LARGE1: variants seen among roughly 807,000 people sequenced by gnomAD.
The protein encoded by LARGE1 is xylosyl- and glucuronyltransferase LARGE1.
In LARGE1, 43 loss-of-function variants were observed where a neutral mutation model predicts 87.6. The observed-to-expected ratio is 0.49, with a 90% CI of 0.38 to 0.63. The LOEUF is 0.63. Among genes scored for constraint, LARGE1 ranks in the 30% least tolerant of loss-of-function variants. The probability of loss-of-function intolerance (pLI) is 0.00; values close to 1 mark genes in which losing one functional copy is unlikely to be tolerated. For missense variants in LARGE1, 802 were observed against 1,000.2 expected, an observed-to-expected ratio of 0.80 and a Z score of 2.67; for synonymous variants, 434 against 394.6, an observed-to-expected ratio of 1.10 and a Z score of -1.18.
chr22:33,095,003 G>A, the LARGE1 span, among the ~76,000 whole-genome samples: 1 of 152,328 alleles, frequency 6.6e-6, no homozygotes, highest in African/African-American at 2.4e-5. Context: ...ACAGGCATGA[G>A]CCACCGCGCC....
rs571567776 is a variant in LARGE1, at chr22:33,881,721, A to G, written c.-83+38274T>C. On this transcript the variant is annotated intron_variant, in intron 1 of 14. Transcript: ENST00000397394. Reference sequence around the variant, plus strand: ...TTTGAAAAAGACCCACCTACAGAGTATATTTCACTCATGTTAAGCCTTGCG... The same window carrying G: ...TTTGAAAAAGACCCACCTACAGAGTGTATTTCACTCATGTTAAGCCTTGCG... 3.6e-4 allele frequency among the ~76,000 whole-genome samples: 55 copies of G among 152,374 alleles called. No individual in the cohort carries two copies. In the South Asian group the frequency reaches 4.1e-3, roughly 11 times the overall value.
intron 3 of LARGE1, among the ~76,000 whole-genome samples, chr22:33,627,186 G>C (rs1247088764): frequency 6.6e-6 from 1 of 152,202 alleles, no homozygotes; most frequent in Non-Finnish European, 1.5e-5. Context: ...TAAGCTACTG[G>C]GCGGGGCTGG....
intron 11 of LARGE1, among the ~76,000 whole-genome samples, chr22:33,264,470 C>T (rs553257226): frequency 2.2e-4 from 33 of 152,130 alleles, no homozygotes; most frequent in Non-Finnish European, 3.7e-4. Flanking sequence ...ACCAGCCTGG[C>T]CAACGTGGTG....
intron 9 of LARGE1, among the ~76,000 whole-genome samples, chr22:33,346,169 TC>T (rs1046109880): frequency 6.6e-6 from 1 of 152,082 alleles, no homozygotes; most frequent in Non-Finnish European, 1.5e-5. Context: ...CCCTGTGCTC[TC>T]CCCCTTGCTA....
intron 7 of LARGE1, among the ~76,000 whole-genome samples, chr22:33,423,926 T>G (rs1227970396): frequency 6.6e-6 from 1 of 152,196 alleles, no homozygotes; most frequent in Non-Finnish European, 1.5e-5. Context: ...ATCTGTACTT[T>G]AGACTCAATA....
At chr22:33,516,152 G>C (rs2071294093) in intron 6 of LARGE1, among the ~76,000 whole-genome samples, 1 of 152,208 alleles carries the variant, frequency 6.6e-6, no homozygotes, top group Non-Finnish European at 1.5e-5. Context: ...CTGCTAAGGT[G>C]AGCTCTGGGC....
At chr22:33,249,663 ATAGTTCTGGG>A (rs1437082333) in intron 11 of LARGE1, among the ~76,000 whole-genome samples, 2 of 152,188 alleles carry the variant, frequency 1.3e-5, no homozygotes. Context: ...TGGGAGTTCC[ATAGTTCTGGG>A]TTTTACATTT....
intron 6 of LARGE1, among the ~76,000 whole-genome samples, chr22:33,524,980 G>C (rs2071810078): frequency 1.3e-5 from 2 of 152,198 alleles, no homozygotes; most frequent in Admixed American, 6.5e-5. Context: ...GCCAAACACT[G>C]AGATGGCTTA....
chr22:33,444,739 A>G (rs982127324), intron 6 of LARGE1, among the ~76,000 whole-genome samples: 1 of 152,246 alleles, frequency 6.6e-6, no homozygotes, highest in African/African-American at 2.4e-5. Context: ...TTATTCATCT[A>G]TTCAACAAAT....
chr22:33,816,536 G>C (rs1016650228), intron 1 of LARGE1, among the ~76,000 whole-genome samples: 1 of 152,058 alleles, frequency 6.6e-6, no homozygotes, highest in Admixed American at 6.6e-5. Flanking sequence ...ACTGCTCAAA[G>C]GCCCAGCTCC....
At chr22:33,911,756 C>T (rs962205691) in intron 1 of LARGE1, among the ~76,000 whole-genome samples, 28 of 152,216 alleles carry the variant, frequency 1.8e-4, no homozygotes, top group African/African-American at 5.5e-4. Context: ...ACTCTCCTTG[C>T]CTTTTTACAA....
At chr22:33,098,494 G>A in the LARGE1 span, among the ~76,000 whole-genome samples, 83 of 152,062 alleles carry the variant, frequency 5.5e-4, no homozygotes, top group African/African-American at 1.9e-3. Flanking sequence ...GGTGGCGGGC[G>A]CCTGTAGTCC....
At chr22:33,386,674 T>C (rs188958895) in intron 7 of LARGE1, among the ~76,000 whole-genome samples, 1 of 147,936 alleles carries the variant, frequency 6.8e-6, no homozygotes, top group Admixed American at 6.7e-5. Context: ...ATAAATGTAT[T>C]ATCTGATTGT....
At chr22:33,362,671 T>G (rs904146358) in intron 9 of LARGE1, among the ~76,000 whole-genome samples, 4 of 150,064 alleles carry the variant, frequency 2.7e-5, no homozygotes, top group Non-Finnish European at 5.9e-5. Flanking sequence ...CTAATGCAAT[T>G]GGAAATCTAA....
chr22:33,072,304 G>C, the LARGE1 span, among the ~76,000 whole-genome samples: 1 of 152,114 alleles, frequency 6.6e-6, no homozygotes, highest in Admixed American at 6.5e-5. Context: ...GAGGAGGTGG[G>C]GGAGGAGGAG....
intron 5 of LARGE1, among the ~76,000 whole-genome samples, chr22:33,591,860 T>A (rs1209155788): frequency 4.2e-5 from 6 of 143,182 alleles, no homozygotes; most frequent in Admixed American, 2.1e-4. Flanking sequence ...AAAAAAAAAT[T>A]TTTTTTTTTT....
At chr22:33,770,846 T>G (rs974182034) in intron 1 of LARGE1, among the ~76,000 whole-genome samples, 9 of 152,062 alleles carry the variant, frequency 5.9e-5, no homozygotes, top group African/African-American at 2.2e-4. Flanking sequence ...GGGAGGTCAT[T>G]TACTCCTCCC....
At chr22:33,920,937 GTCCGGGC>G (rs934793754), upstream of LARGE1, among the ~76,000 whole-genome samples, 1 of 148,506 alleles carries the variant, frequency 6.7e-6, no homozygotes, top group Non-Finnish European at 1.5e-5. Flanking sequence ...GGGCGCTGGG[GTCCGGGC>G]TCCGGGCTGG....
chr22:33,396,737 C>T (rs1461473441), intron 7 of LARGE1, among the ~76,000 whole-genome samples: 1 of 151,966 alleles, frequency 6.6e-6, no homozygotes, highest in African/African-American at 2.4e-5. Flanking sequence ...AGGGTGGGCT[C>T]CCAAAGGTGG....
Sources: gnomAD v4.1 joint callset for allele counts (sites outside exome capture counted in the v4.1 genomes callset) on GRCh38, gnomAD v4.1.1 for gene constraint, MANE v1.5 for transcripts, NCBI Gene and HGNC (gene_info 2026-07-23, HGNC 2026-07-21) for gene names.